Variants in LRRC8D observed in about 807,000 individuals in gnomAD.
LRRC8D encodes leucine rich repeat containing 8 VRAC subunit D.
A neutral mutation model predicts 55.8 loss-of-function variants in LRRC8D; 20 were observed. That is an observed-to-expected ratio of 0.36 (90% confidence interval 0.25 to 0.52). The LOEUF (loss-of-function observed/expected upper bound fraction) is 0.52, where lower values mean the gene tolerates loss of function less well. LRRC8D is among the 20% of genes least tolerant of loss of function. LRRC8D has a pLI of 0.93. For missense variants in LRRC8D, 651 were observed against 1,030.8 expected, an observed-to-expected ratio of 0.63 and a Z score of 5.05; for synonymous variants, 352 against 377.0, an observed-to-expected ratio of 0.93 and a Z score of 0.77.
intron 2 of LRRC8D, among the ~76,000 whole-genome samples, chr1:89,909,815 G>A (rs1209033692): frequency 1.3e-5 from 2 of 148,486 alleles, no homozygotes; most frequent in Non-Finnish European, 3.0e-5. Flanking sequence ...GCAGTGAGCC[G>A]AGATCATGCC....
rs1302073156 is a variant in LRRC8D at position 89,933,147 on chromosome 1, T to C, written c.79T>C (p.Phe27Leu). ...AATCCTGAAACCATGGTGGGATGTG[T>C]TTATGGATTACCTAGCTGTTGTTAT... is the stretch of plus-strand genomic sequence containing the variant. ...YRILKPWWDV[F>L]MDYLAVVMLM... The change falls in exon 3 of 3, where the codon TTT becomes CTT. Residue 27 changes from phenylalanine to leucine, a missense_variant. By Grantham distance (22) the Phe-to-Leu change is conservative. Transcript: ENST00000337338. The surrounding 1 kb of genome is among the most constrained non-coding windows in gnomAD (Gnocchi z 7.0). 6.2e-7 allele frequency: 1 copy of C among 1,614,172 alleles called. No homozygotes were observed. Among genetic ancestry groups the C allele is most frequent in the South Asian group, 1.1e-5 (1 of 91,084 alleles).
intron 2 of LRRC8D, among the ~76,000 whole-genome samples, chr1:89,920,835 T>C (rs998746173): frequency 6.6e-6 from 1 of 152,172 alleles, no homozygotes; most frequent in African/African-American, 2.4e-5. Context: ...CATACACATA[T>C]GTGCTTACGT....
chr1:89,882,420 G>A (rs1320749024), intron 2 of LRRC8D, among the ~76,000 whole-genome samples: 1 of 152,208 alleles, frequency 6.6e-6, no homozygotes. Flanking sequence ...CTACTCAAGG[G>A]TAAGCAGATA....
intron 2 of LRRC8D, among the ~76,000 whole-genome samples, chr1:89,845,762 A>G (rs1421683031): frequency 6.6e-6 from 1 of 151,576 alleles, no homozygotes; most frequent in Admixed American, 6.6e-5. Context: ...GTACAACCAT[A>G]GTGTTTTGCA....
intron 2 of LRRC8D, among the ~76,000 whole-genome samples, chr1:89,931,713 C>T (rs1018348614): frequency 5.3e-5 from 8 of 152,140 alleles, no homozygotes; most frequent in East Asian, 1.9e-4. Flanking sequence ...GAGCTGAGAT[C>T]GCGCCACTGC....
intron 2 of LRRC8D, among the ~76,000 whole-genome samples, chr1:89,874,257 A>T (rs1662094113): frequency 6.6e-6 from 1 of 152,152 alleles, no homozygotes; most frequent in Non-Finnish European, 1.5e-5. Context: ...TAGACCCCTA[A>T]ATTCGGAGGC....
intron 2 of LRRC8D, among the ~76,000 whole-genome samples, chr1:89,921,381 T>C (rs1663414178): frequency 6.6e-6 from 1 of 152,152 alleles, no homozygotes; most frequent in Non-Finnish European, 1.5e-5. Context: ...AATTGAGTGT[T>C]ATATTGATTA....
chr1:89,929,895 T>C (rs1289233744), intron 2 of LRRC8D: 1 of 151,860 alleles, frequency 6.6e-6, no homozygotes, highest in African/African-American at 2.4e-5. Context: ...GGCGGGAGAG[T>C]GAGCATTACT....
At chr1:89,906,171 T>C (rs1020127800) in intron 2 of LRRC8D, among the ~76,000 whole-genome samples, 4 of 152,174 alleles carry the variant, frequency 2.6e-5, no homozygotes, top group African/African-American at 9.7e-5. Flanking sequence ...AGCATCACTT[T>C]TAGGCTTAAA....
intron 2 of LRRC8D, among the ~76,000 whole-genome samples, chr1:89,844,598 A>C (rs1388453453): frequency 6.6e-6 from 1 of 152,218 alleles, no homozygotes; most frequent in South Asian, 2.1e-4. Context: ...ACTTTTCTCA[A>C]ATTCACCAGG....
intron 2 of LRRC8D, among the ~76,000 whole-genome samples, chr1:89,849,194 C>A (rs1251361931): frequency 6.6e-6 from 1 of 152,166 alleles, no homozygotes; most frequent in Non-Finnish European, 1.5e-5. Flanking sequence ...CTTACCTACC[C>A]TTTCAGCAAA....
intron 2 of LRRC8D, among the ~76,000 whole-genome samples, chr1:89,877,543 C>T (rs952084211): frequency 1.3e-5 from 2 of 152,180 alleles, no homozygotes; most frequent in African/African-American, 4.8e-5. Context: ...CCCACTCCCC[C>T]TTTTCTGTTT....
intron 2 of LRRC8D, among the ~76,000 whole-genome samples, chr1:89,883,230 G>T (rs1366209492): frequency 1.3e-5 from 2 of 152,028 alleles, no homozygotes; most frequent in African/African-American, 4.8e-5. Flanking sequence ...GCGTGTGTGT[G>T]TGTGTGTGTG....
chr1:89,883,963 T>G (rs1662344583), intron 2 of LRRC8D, among the ~76,000 whole-genome samples: 1 of 152,234 alleles, frequency 6.6e-6, no homozygotes, highest in Non-Finnish European at 1.5e-5. Context: ...GGTCATCCGA[T>G]CCTGTCAGTG....
In LRRC8D at chr1:89,843,779, C is replaced by T. The variant is rs1661200911; in HGVS notation, c.-6C>T. 2 of 683,512 alleles carry T rather than the reference C, an allele frequency of 2.9e-6. No individual in the cohort carries two copies. The highest frequency in any genetic ancestry group is 3.1e-5 in the South Asian group (2 of 65,482). The allele number at this position is 683,512 out of a possible 1,614,324, so 42.3% of individuals were successfully genotyped here. A position where few individuals can be genotyped will look rare whatever the true frequency, so the allele number is the denominator to read the frequency against. On this transcript the variant is annotated 5_prime_UTR_variant, in exon 2 of 3. Transcript: ENST00000337338. ...TGAGAGAACAGGGTGGCCGCTTGGTCCAGGTGCGCGGGGTCGGGTCTGGGT... is the reference window on the plus strand; with the variant it reads ...TGAGAGAACAGGGTGGCCGCTTGGTTCAGGTGCGCGGGGTCGGGTCTGGGT...
intron 2 of LRRC8D, among the ~76,000 whole-genome samples, chr1:89,864,884 C>G (rs1661804421): frequency 6.6e-6 from 1 of 152,128 alleles, no homozygotes; most frequent in Non-Finnish European, 1.5e-5. Context: ...GCTTTGACTA[C>G]AGGGTATGTC....
In LRRC8D at chr1:89,888,046, A is replaced by T. The variant is rs373943915; in HGVS notation, c.-3+44264A>T. 1.8e-4 allele frequency among the ~76,000 whole-genome samples: 27 copies of T among 152,330 alleles called. 1 individual carries two copies. The East Asian group carries it at 4.6e-3, about 26-fold the overall frequency. ...AAACCCATAAAACTTTACAGCACAT[A>T]TATTGAACATTAATGTATCCAGATT... On this transcript the variant is annotated intron_variant, in intron 2 of 2. Transcript: ENST00000337338.
chr1:89,876,354 T>C (rs1485963709), intron 2 of LRRC8D, among the ~76,000 whole-genome samples: 1 of 152,202 alleles, frequency 6.6e-6, no homozygotes, highest in Non-Finnish European at 1.5e-5. Context: ...TACAGATTCC[T>C]GGGCTCCACC....
intron 1 of LRRC8D, among the ~76,000 whole-genome samples, chr1:89,842,025 A>T (rs2100740163): frequency 6.6e-6 from 1 of 152,172 alleles, no homozygotes; most frequent in South Asian, 2.1e-4. Flanking sequence ...ATCCTGGCCA[A>T]CATTGTGAAA....
Sources: gnomAD v4.1 joint callset for allele counts (sites outside exome capture counted in the v4.1 genomes callset) on GRCh38, gnomAD v4.1.1 for gene constraint, Gnocchi (gnomAD v3.1) non-coding constraint, MANE v1.5 for transcripts, NCBI Gene and HGNC (gene_info 2026-07-23, HGNC 2026-07-21) for gene names.